EIF4B: variants seen among roughly 807,000 people sequenced by gnomAD.
EIF4B encodes the protein eukaryotic translation initiation factor 4B.
A neutral mutation model predicts 79.3 loss-of-function variants in EIF4B; 8 were observed. That is an observed-to-expected ratio of 0.10 (90% CI 0.06 to 0.18). The LOEUF (loss-of-function observed/expected upper bound fraction) is 0.18. Among genes scored for constraint, EIF4B ranks in the 10% least tolerant of loss-of-function variants. The probability of loss-of-function intolerance (pLI) is 1.00; values close to 1 mark genes in which losing one functional copy is unlikely to be tolerated. For synonymous variants in EIF4B, 238 were observed against 274.7 expected, an observed-to-expected ratio of 0.87 and a Z score of 1.32; for missense variants, 515 against 792.4, an observed-to-expected ratio of 0.65 and a Z score of 4.20.
chr12:53,040,098 A>T, intron 14 of EIF4B, 45 bp from the exon 15 acceptor site: 2 of 1,609,190 alleles, frequency 1.2e-6, no homozygotes, highest in South Asian at 2.2e-5. Context: ...TTTTGATGTG[A>T]TAATTCAGGG....
chr12:53,038,245 AT>A, intron 11 of EIF4B, 110 bp from the exon 12 acceptor site: 1 of 842,256 alleles, frequency 1.2e-6, no homozygotes, highest in Non-Finnish European at 1.8e-6. Flanking sequence ...AACATTGAGT[AT>A]GATTTTGTTT....
chr12:53,015,927 G>A (rs1322903590), intron 1 of EIF4B, among the ~76,000 whole-genome samples: 1 of 149,848 alleles, frequency 6.7e-6, no homozygotes, highest in Admixed American at 6.7e-5. Context: ...GCAGTGAGCC[G>A]AGATGGCACC....
intron 1 of EIF4B, among the ~76,000 whole-genome samples, chr12:53,015,517 A>T (rs1237890052): frequency 1.3e-5 from 2 of 151,264 alleles, no homozygotes; most frequent in Non-Finnish European, 2.9e-5. Context: ...ATAGGGAATT[A>T]AAAAACTTTT....
In EIF4B at chr12:53,034,641, A is replaced by G. The variant is rs1275311614; in HGVS notation, c.1238A>G (p.Gln413Arg). ...RHPSWRSEET[Q>R]ERERSRTGSE... is the part of the protein sequence containing the mutation. Reference sequence around the variant, plus strand: ...CCAAGCTGGCGAAGTGAAGAAACTCAGGAACGGGAACGGTCGAGGACAGGA... The same window carrying G: ...CCAAGCTGGCGAAGTGAAGAAACTCGGGAACGGGAACGGTCGAGGACAGGA... The change falls in exon 10 of 15, where the codon CAG becomes CGG. Residue 413 changes from glutamine to arginine, a missense_variant. Gln to Arg is a conservative substitution (Grantham distance 43). Coordinates refer to ENST00000262056, the MANE Select transcript of EIF4B (RefSeq NM_001417.7). The G allele has an allele frequency of 6.2e-7, 1 of 1,613,908 alleles. No individual in the cohort carries two copies. The highest frequency in any genetic ancestry group is 1.3e-5 in the African/African-American group (1 of 74,930).
intron 12 of EIF4B, chr12:53,038,903 C>A: frequency 4.6e-6 from 1 of 216,604 alleles, no homozygotes; most frequent in Non-Finnish European, 9.1e-6. Flanking sequence ...AAACCCTGCC[C>A]TTTCCTGGTA....
chr12:53,006,726 G>A lies in EIF4B; in HGVS notation c.13+230G>A, dbSNP rs528822929. On this transcript the variant is annotated intron_variant, in intron 1 of 14. Coordinates refer to ENST00000262056, the MANE Select transcript of EIF4B (RefSeq NM_001417.7). ...CACTCTTTTCACCCTTTCTGCGCGA[G>A]ATTGGAATAGGCAGTAATGGTAGAC... 2.0e-5 allele frequency among the ~76,000 whole-genome samples: 3 copies of A among 152,048 alleles called. No homozygotes were observed. The South Asian group carries it at 6.2e-4, about 32-fold the overall frequency.
intron 12 of EIF4B, 128 bp from the exon 13 acceptor site, chr12:53,039,109 TG>T: frequency 3.2e-6 from 2 of 618,632 alleles, no homozygotes; most frequent in Non-Finnish European, 5.6e-6. Context: ...GAAGGAAGTC[TG>T]GGTTGGGGTG....
chr12:53,017,334 C>A (rs1308021030), intron 2 of EIF4B, among the ~76,000 whole-genome samples: 1 of 151,818 alleles, frequency 6.6e-6, no homozygotes, highest in Non-Finnish European at 1.5e-5. Context: ...TTCCAGGTGT[C>A]ATTAGTATAA....
chr12:53,039,514 A>G, intron 13 of EIF4B, 116 bp from the exon 14 acceptor site: 2 of 1,332,802 alleles, frequency 1.5e-6, no homozygotes, highest in Non-Finnish European at 1.0e-6. Context: ...TCATCCAGAC[A>G]ACAAGGACTG....
intron 11 of EIF4B, 162 bp downstream of exon 11, chr12:53,037,784 G>T: frequency 1.3e-6 from 1 of 762,794 alleles, no homozygotes; most frequent in Non-Finnish European, 2.1e-6. Flanking sequence ...AGACCTAGTT[G>T]TTCCATTTTC....
intron 14 of EIF4B, 106 bp downstream of exon 14, chr12:53,039,808 C>T (rs1452456044): frequency 1.4e-5 from 18 of 1,245,876 alleles, no homozygotes; most frequent in South Asian, 4.3e-5. Context: ...AACTTTTTGC[C>T]GTTGGACTTC....
chr12:53,037,613 C>G lies in EIF4B; in HGVS notation c.1511C>G (p.Ser504Cys), dbSNP rs759937924. The G allele has an allele frequency of 1.2e-6, 2 of 1,613,912 alleles. No individual in the cohort carries two copies. The highest frequency in any genetic ancestry group is 2.2e-5 in the East Asian group (1 of 44,890). ...RSQSSDTEQQ[S>C]PTSGGGKVAP... ...CAGAGCTCAGACACAGAGCAGCAGT[C>G]CCCTACAAGGTGAGTCAGTTTGGAA... The change falls in exon 11 of 15, where the codon TCC becomes TGC. Residue 504 changes from serine to cysteine, a missense_variant. Ser to Cys is a moderately radical substitution (Grantham distance 112, BLOSUM62 -1). Coordinates refer to ENST00000262056, the MANE Select transcript of EIF4B (RefSeq NM_001417.7).
chr12:53,025,311 A>G, intron 6 of EIF4B: 1 of 450,494 alleles, frequency 2.2e-6, no homozygotes, highest in Non-Finnish European at 4.4e-6. Context: ...TCTCACCTGA[A>G]ACCTTGAATT....
rs547635059 is a variant in EIF4B, at chr12:53,028,208, G to A, written c.979+20G>A. On this transcript the variant is annotated intron_variant, in intron 8 of 14. Coordinates refer to ENST00000262056, the MANE Select transcript of EIF4B (RefSeq NM_001417.7). Reference sequence around the variant, plus strand: ...ATAGAGGTAATAGTTTTCTTTTTACGTACTTCATGGAGCAGAAACTGGGAA... The same window carrying A: ...ATAGAGGTAATAGTTTTCTTTTTACATACTTCATGGAGCAGAAACTGGGAA... The A allele has an allele frequency of 5.0e-5, 78 of 1,547,562 alleles. No homozygotes were observed. Among genetic ancestry groups the A allele is most frequent in the Non-Finnish European group, 6.3e-5 (72 of 1,149,824 alleles).
At position 53,020,685 on chromosome 12, in the gene EIF4B, A is replaced by G. The variant is rs148969240; in HGVS notation, c.477+659A>G. 2.2e-3 allele frequency among the ~76,000 whole-genome samples: 335 copies of G among 152,228 alleles called. 5 individuals are homozygous for G. The highest frequency in any genetic ancestry group is 6.9e-3 in the African/African-American group (287 of 41,542). ...ATTTGTGCCATATTTCTGTAGTCCT[A>G]TTTTGCCATATGACATGATTGAAAT... On this transcript the variant is annotated intron_variant, in intron 4 of 14. Coordinates refer to ENST00000262056, the MANE Select transcript of EIF4B (RefSeq NM_001417.7).
intron 1 of EIF4B, among the ~76,000 whole-genome samples, chr12:53,007,341 G>T (rs1439051815): frequency 6.6e-6 from 1 of 150,752 alleles, no homozygotes; most frequent in Non-Finnish European, 1.5e-5. Context: ...ACTCAGCGCA[G>T]CTATATGCCA....
chr12:53,007,033 C>A (rs1012320283), intron 1 of EIF4B, among the ~76,000 whole-genome samples: 1 of 152,012 alleles, frequency 6.6e-6, no homozygotes, highest in African/African-American at 2.4e-5. Flanking sequence ...GTAGGAGACA[C>A]GAGGGTAGTA....
intron 6 of EIF4B, among the ~76,000 whole-genome samples, chr12:53,027,457 A>C (rs1253797807): frequency 6.6e-6 from 1 of 152,052 alleles, no homozygotes; most frequent in African/African-American, 2.4e-5. Context: ...TTAATTAAAA[A>C]ATAAGTGGTC....
Position 53,037,432 on chromosome 12 carries a change from A to G in EIF4B, c.1330A>G (p.Lys444Glu). Residue 444 changes from lysine to glutamate, a missense_variant, in exon 11 of 15, where the codon AAG (lysine) becomes GAG (glutamate). Lys to Glu is a moderately conservative substitution (Grantham distance 56, BLOSUM62 1). Around this residue, in one of 6 missense-constraint regions of EIF4B, gnomAD observed 146 missense variants for 228.0 expected, o/e 0.64. Coordinates refer to ENST00000262056, the MANE Select transcript of EIF4B (RefSeq NM_001417.7). ...SRNARRRESEKSLENETLNKE... is the reference protein window; with the variant it reads ...SRNARRRESEESLENETLNKE... ...AGATGCACGAAGGAGAGAGAGTGAG[A>G]AGTCTCTAGAAAATGAAACACTCAA... 6.2e-7 allele frequency: 1 copy of G among 1,612,344 alleles called. No individual in the cohort carries two copies. The highest frequency in any genetic ancestry group is 8.5e-7 in the Non-Finnish European group (1 of 1,179,576).
Sources: gnomAD v4.1 joint callset for allele counts (sites outside exome capture counted in the v4.1 genomes callset) on GRCh38, gnomAD v4.1.1 for gene constraint, gnomAD v4.1.1 regional missense constraint, MANE v1.5 for transcripts, NCBI Gene and HGNC (gene_info 2026-07-23, HGNC 2026-07-21) for gene names.